The following SPAG16 variants were observed in gnomAD, a reference collection of about 807,000 sequenced individuals.
The protein encoded by SPAG16 is sperm associated antigen 16, also known as sperm-associated antigen 16 protein.
Under a neutral mutation model 80.4 loss-of-function variants are expected in SPAG16, and 86 were observed. The ratio of observed to expected loss-of-function variants is 1.07; its 90% CI spans 0.90 to 1.28. The LOEUF (loss-of-function observed/expected upper bound fraction) is 1.28, where lower values mean the gene tolerates loss of function less well. SPAG16 is among the 50% of genes most tolerant of loss of function. SPAG16 has a pLI of 0.00. For missense variants in SPAG16, 870 were observed against 765.3 expected (o/e 1.14, Z -1.61); for synonymous variants, 294 against 265.9 (o/e 1.11, Z -1.03).
At chr2:214,247,687 CAG>C (rs1199229337) in intron 15 of SPAG16, among the ~76,000 whole-genome samples, 5 of 152,046 alleles carry the variant, frequency 3.3e-5, no homozygotes, top group Non-Finnish European at 7.3e-5. Context: ...TATGGGAGGA[CAG>C]GTACATTTTC....
chr2:213,732,725 T>A (rs1032567329), intron 10 of SPAG16, among the ~76,000 whole-genome samples: 6 of 152,322 alleles, frequency 3.9e-5, no homozygotes, highest in African/African-American at 1.4e-4. Context: ...GTTTTTCCAT[T>A]TGCTTGTGTT....
chr2:213,866,882 C>T (rs2075710196), intron 11 of SPAG16, among the ~76,000 whole-genome samples: 2 of 152,016 alleles, frequency 1.3e-5, no homozygotes, highest in African/African-American at 2.4e-5. Context: ...ACACTAACAC[C>T]GTCTAACATA....
intron 10 of SPAG16, among the ~76,000 whole-genome samples, chr2:213,614,175 G>A (rs1055785707): frequency 6.6e-6 from 1 of 152,188 alleles, no homozygotes; most frequent in Non-Finnish European, 1.5e-5. Flanking sequence ...GGAATTATAT[G>A]AAACTAAGTC....
chr2:213,306,861 CT>C (rs1234298507), intron 3 of SPAG16, among the ~76,000 whole-genome samples: 2 of 152,206 alleles, frequency 1.3e-5, no homozygotes, highest in Admixed American at 1.3e-4. Flanking sequence ...TCAAGACTGT[CT>C]TTTCTGCCTT....
At chr2:214,298,764 G>T (rs533655403) in intron 15 of SPAG16, among the ~76,000 whole-genome samples, 5 of 151,970 alleles carry the variant, frequency 3.3e-5, no homozygotes, top group African/African-American at 1.2e-4. Flanking sequence ...CCCTAGGCTC[G>T]ATTTCTTTTT....
intron 13 of SPAG16, among the ~76,000 whole-genome samples, chr2:214,026,843 A>G (rs2048155707): frequency 6.6e-6 from 1 of 151,550 alleles, no homozygotes; most frequent in Non-Finnish European, 1.5e-5. Flanking sequence ...TATACAATAT[A>G]AAATCCTTTA....
At chr2:213,386,302 A>T (rs1201250924) in intron 9 of SPAG16, among the ~76,000 whole-genome samples, 1 of 152,184 alleles carries the variant, frequency 6.6e-6, no homozygotes, top group Admixed American at 6.5e-5. Flanking sequence ...TTGCAAAACA[A>T]ACTTAGATTA....
intron 12 of SPAG16, among the ~76,000 whole-genome samples, chr2:213,994,201 T>G (rs772327085): frequency 1.3e-5 from 2 of 152,182 alleles, no homozygotes; most frequent in African/African-American, 2.4e-5. Context: ...TTGTGTGATT[T>G]TATGGGCAGG....
At chr2:214,402,059 G>C (rs1407023494) in intron 15 of SPAG16, among the ~76,000 whole-genome samples, 1 of 151,878 alleles carries the variant, frequency 6.6e-6, no homozygotes, top group Non-Finnish European at 1.5e-5. Context: ...TGGGGAAACT[G>C]TATTTGATCA....
intron 15 of SPAG16, chr2:214,240,435 A>T (rs1386989319): frequency 1.3e-5 from 2 of 152,194 alleles, no homozygotes; most frequent in African/African-American, 4.8e-5. Context: ...ATTGTCTAGC[A>T]TATGGTGGAT....
intron 10 of SPAG16, among the ~76,000 whole-genome samples, chr2:213,848,432 G>T (rs996678089): frequency 6.6e-6 from 1 of 152,086 alleles, no homozygotes; most frequent in Non-Finnish European, 1.5e-5. Flanking sequence ...TTCTTAATTT[G>T]TCATTGTTTG....
intron 7 of SPAG16, among the ~76,000 whole-genome samples, chr2:213,352,542 C>T (rs189483938): frequency 6.6e-5 from 10 of 152,220 alleles, no homozygotes; most frequent in African/African-American, 2.2e-4. Flanking sequence ...TCAAGTTGCT[C>T]CTTGATGGTT....
At chr2:214,340,224 C>T (rs1460681200) in intron 15 of SPAG16, among the ~76,000 whole-genome samples, 1 of 152,184 alleles carries the variant, frequency 6.6e-6, no homozygotes, top group Non-Finnish European at 1.5e-5. Context: ...CCACACTACT[C>T]ATTCTTCTGC....
rs369112629 is a variant in SPAG16, at chr2:213,732,330, GCCC to G, written c.1071-130149_1071-130147del. Among the ~76,000 whole-genome samples the G allele has an allele frequency of 4.8e-4, 39 of 80,650 alleles. No homozygotes were observed. The East Asian group carries it at 0.028, about 58-fold the overall frequency. 52.9% of individuals were successfully genotyped at this position (80,650 alleles called of 152,430 possible). ...CACAAATGAACTCCCATTCACGATT[GCCC>G]CCCCCGCAAAAAAAATGCCCAGGAA... On this transcript the variant is annotated intron_variant, in intron 10 of 15. Transcript: ENST00000331683.
intron 15 of SPAG16, among the ~76,000 whole-genome samples, chr2:214,404,439 T>C (rs929442372): frequency 6.6e-6 from 1 of 152,186 alleles, no homozygotes; most frequent in African/African-American, 2.4e-5. Context: ...TTGTTGCTGC[T>C]GCTACTGCGA....
At chr2:213,287,877 T>C (rs947107532) in intron 1 of SPAG16, among the ~76,000 whole-genome samples, 10 of 152,200 alleles carry the variant, frequency 6.6e-5, no homozygotes, top group Non-Finnish European at 8.8e-5. Context: ...TAGATAAATA[T>C]CTTAACTTCT....
intron 12 of SPAG16, among the ~76,000 whole-genome samples, chr2:214,000,168 T>G (rs1285472590): frequency 6.7e-6 from 1 of 149,220 alleles, no homozygotes; most frequent in Non-Finnish European, 1.5e-5. Flanking sequence ...CACCCACATC[T>G]CATCTTGAAT....
intron 10 of SPAG16, among the ~76,000 whole-genome samples, chr2:213,548,809 T>A (rs1252948733): frequency 6.6e-6 from 1 of 152,146 alleles, no homozygotes; most frequent in Admixed American, 6.5e-5. Context: ...TTGCTTATAG[T>A]CTATAATTCT....
intron 10 of SPAG16, among the ~76,000 whole-genome samples, chr2:213,572,853 A>C (rs1275060001): frequency 6.6e-6 from 1 of 152,104 alleles, no homozygotes; most frequent in Non-Finnish European, 1.5e-5. Context: ...GCTGCCTTGC[A>C]GTTTGATCTC....
Sources: gnomAD v4.1 joint callset for allele counts (sites outside exome capture counted in the v4.1 genomes callset) on GRCh38, gnomAD v4.1.1 for gene constraint, MANE v1.5 for transcripts, NCBI Gene and HGNC (gene_info 2026-07-23, HGNC 2026-07-21) for gene names.